CHRM3: variants seen among roughly 807,000 people sequenced by gnomAD.
CHRM3 encodes cholinergic receptor muscarinic 3.
Under a neutral mutation model 41.8 loss-of-function variants are expected in CHRM3, and 11 were observed. The observed-to-expected ratio is 0.26, with a 90% CI of 0.17 to 0.44. The LOEUF is 0.44. CHRM3 is among the 20% of genes least tolerant of loss of function. CHRM3 has a pLI of 1.00. For missense variants in CHRM3, 571 were observed against 745.4 expected, an observed-to-expected ratio of 0.77 and a Z score of 2.72; for synonymous variants, 297 against 301.4, an observed-to-expected ratio of 0.99 and a Z score of 0.15.
chr1:239,875,873 T>C (rs773445360), intron 6 of CHRM3, among the ~76,000 whole-genome samples: 3 of 152,178 alleles, frequency 2.0e-5, no homozygotes, highest in Admixed American at 6.5e-5. Context: ...GCAATTTACA[T>C]TGAATTGCTC....
chr1:239,607,084 T>C (rs11578099), intron 3 of CHRM3, among the ~76,000 whole-genome samples: 33,799 of 152,154 alleles, frequency 0.22, 4,871 homozygotes, highest in East Asian at 0.5. Flanking sequence ...CGTGTGATTT[T>C]TTTTGTTTGT....
chr1:239,549,188 C>G (rs568114259), intron 3 of CHRM3, among the ~76,000 whole-genome samples: 2 of 152,122 alleles, frequency 1.3e-5, no homozygotes, highest in East Asian at 3.9e-4. Flanking sequence ...CCAGGTCCCT[C>G]CCACAACATG....
At chr1:239,434,848 T>A (rs1663109697) in intron 1 of CHRM3, among the ~76,000 whole-genome samples, 1 of 152,172 alleles carries the variant, frequency 6.6e-6, no homozygotes, top group Admixed American at 6.5e-5. Context: ...TGTAATACTT[T>A]GAAAGGAAAC....
At chr1:239,717,592 C>T (rs1662512159) in intron 5 of CHRM3, among the ~76,000 whole-genome samples, 1 of 152,040 alleles carries the variant, frequency 6.6e-6, no homozygotes, top group East Asian at 1.9e-4. Flanking sequence ...GAGCAATAAC[C>T]TATGTGGTAA....
At position 239,407,417 on chromosome 1, in the gene CHRM3, T is replaced by TATATATATATATATATATAGAG; in HGVS notation, c.-521+20191_-521+20192insTATATATATATATATATAGAGA. On this transcript the variant is annotated intron_variant, in intron 1 of 6. Coordinates refer to ENST00000676153, the MANE Select transcript of CHRM3 (RefSeq NM_001375978.1). ...ACCAATGACTATAAATATATATATA[T>TATATATATATATATATATAGAG]AGAGAGAGAGAGAGAGAGAGAGAGC... 8.2e-5 allele frequency among the ~76,000 whole-genome samples: 11 copies of TATATATATATATATATATAGAG among 134,210 alleles called. No individual in the cohort carries two copies. In the South Asian group the frequency reaches 9.5e-4, roughly 12 times the overall value. 88.0% of individuals were successfully genotyped at this position (134,210 alleles called of 152,430 possible).
chr1:239,535,758 C>A (rs1658136313), intron 2 of CHRM3, among the ~76,000 whole-genome samples: 1 of 151,954 alleles, frequency 6.6e-6, no homozygotes, highest in Middle Eastern at 3.4e-3. Context: ...AGCTTGTTTC[C>A]CTAGGATCAA....
At chr1:239,715,930 T>C (rs1401189430) in intron 5 of CHRM3, among the ~76,000 whole-genome samples, 1 of 152,092 alleles carries the variant, frequency 6.6e-6, no homozygotes, top group Non-Finnish European at 1.5e-5. Flanking sequence ...TTGGACAGTG[T>C]TGAAGTCCTA....
chr1:239,661,538 C>G (rs1328045993), intron 4 of CHRM3, among the ~76,000 whole-genome samples: 7 of 152,060 alleles, frequency 4.6e-5, no homozygotes, highest in Non-Finnish European at 1.0e-4. Context: ...ATGGATATTA[C>G]TAAGTAAAAG....
rs920813021 is a variant in CHRM3, at chr1:239,748,079, T to G, written c.-147+69791T>G. Reference sequence around the variant, plus strand: ...TAAAGGAACACTGTGAAAATAGGAGTAAGGAAAAGCCCTTACAATTTGAAC... The same window carrying G: ...TAAAGGAACACTGTGAAAATAGGAGGAAGGAAAAGCCCTTACAATTTGAAC... On this transcript the variant is annotated intron_variant, in intron 5 of 6. Transcript: ENST00000676153. This position sits in a 1 kb window ranked among gnomAD's most constrained non-coding sequence, Gnocchi z 4.3. Among the ~76,000 whole-genome samples the G allele has an allele frequency of 6.6e-6, 1 of 151,920 alleles. No homozygotes were observed. Among genetic ancestry groups the G allele is most frequent in the Admixed American group, 6.6e-5 (1 of 15,236 alleles).
At chr1:239,539,652 C>G (rs549885703) in intron 2 of CHRM3, among the ~76,000 whole-genome samples, 1 of 152,100 alleles carries the variant, frequency 6.6e-6, no homozygotes, top group Non-Finnish European at 1.5e-5. Context: ...TGTTTTGAGA[C>G]AAGATCTCAC....
intron 6 of CHRM3, among the ~76,000 whole-genome samples, chr1:239,841,611 A>G (rs1047649788): frequency 6.6e-6 from 1 of 152,212 alleles, no homozygotes; most frequent in Admixed American, 6.5e-5. Context: ...ATCCATTGAC[A>G]GTTAAGGTAG....
chr1:239,857,037 G>A (rs1337333025), intron 6 of CHRM3, among the ~76,000 whole-genome samples: 3 of 152,162 alleles, frequency 2.0e-5, no homozygotes, highest in African/African-American at 7.2e-5. Context: ...TCTTTGAGCA[G>A]AAACTTGACT....
intron 2 of CHRM3, among the ~76,000 whole-genome samples, chr1:239,508,416 A>G (rs541965211): frequency 2.0e-5 from 3 of 152,302 alleles, no homozygotes; most frequent in African/African-American, 4.8e-5. Flanking sequence ...TGTGTTTTTC[A>G]TTGAACTACA....
At chr1:239,559,090 A>G (rs1379833488) in intron 3 of CHRM3, among the ~76,000 whole-genome samples, 1 of 152,138 alleles carries the variant, frequency 6.6e-6, no homozygotes, top group East Asian at 1.9e-4. Context: ...TAGACTTGTA[A>G]TAAGTATAAC....
At chr1:239,621,701 A>G (rs1668377070) in intron 3 of CHRM3, among the ~76,000 whole-genome samples, 1 of 152,224 alleles carries the variant, frequency 6.6e-6, no homozygotes, top group Non-Finnish European at 1.5e-5. Context: ...AGGCTGAGAG[A>G]GGAAAGGAAG....
rs150081997 is a variant in CHRM3, at chr1:239,437,871, A to G, written c.-521+50644A>G. Among the ~76,000 whole-genome samples, 476 of 152,314 alleles carry G rather than the reference A, an allele frequency of 3.1e-3. 6 individuals are homozygous for G. Among genetic ancestry groups the G allele is most frequent in the African/African-American group, 0.011 (452 of 41,568 alleles). Reference sequence around the variant, plus strand: ...TAAAAGGCCAAACTGTCTAAACTGGATTTAAGACAAAAATGAGAAACACTT... The same window carrying G: ...TAAAAGGCCAAACTGTCTAAACTGGGTTTAAGACAAAAATGAGAAACACTT... On this transcript the variant is annotated intron_variant, in intron 1 of 6. Transcript: ENST00000676153.
intron 6 of CHRM3, among the ~76,000 whole-genome samples, chr1:239,867,793 T>C (rs189063470): frequency 3.0e-4 from 45 of 152,254 alleles, no homozygotes; most frequent in African/African-American, 9.1e-4. Flanking sequence ...ACCATTTCTG[T>C]TGGGGCCCAG....
At chr1:239,687,643 A>G (rs994113643) in intron 5 of CHRM3, among the ~76,000 whole-genome samples, 1 of 152,154 alleles carries the variant, frequency 6.6e-6, no homozygotes, top group African/African-American at 2.4e-5. Flanking sequence ...TAGAGTTTAC[A>G]CACATAGCCA....
chr1:239,645,393 A>G, intron 4 of CHRM3, among the ~76,000 whole-genome samples: 1 of 152,248 alleles, frequency 6.6e-6, no homozygotes, highest in Admixed American at 6.5e-5. Flanking sequence ...GTGATATTGT[A>G]GTACATTATA....
Sources: gnomAD v4.1 joint callset for allele counts (sites outside exome capture counted in the v4.1 genomes callset) on GRCh38, gnomAD v4.1.1 for gene constraint, Gnocchi (gnomAD v3.1) non-coding constraint, MANE v1.5 for transcripts, NCBI Gene and HGNC (gene_info 2026-07-23, HGNC 2026-07-21) for gene names.